Variants in ATG2A observed in about 807,000 individuals in gnomAD.
The protein encoded by ATG2A is autophagy-related protein 2 homolog A.
A neutral mutation model predicts 214.2 loss-of-function variants in ATG2A; 103 were observed. The ratio of observed to expected loss-of-function variants is 0.48; its 90% CI spans 0.41 to 0.57. ATG2A has a LOEUF of 0.57. Ranked by LOEUF, ATG2A falls within the 20% of genes least tolerant of loss-of-function variation. The probability of loss-of-function intolerance (pLI) is 0.00; values close to 1 mark genes in which losing one functional copy is unlikely to be tolerated. For missense variants in ATG2A, 2,312 were observed against 2,613.2 expected, an observed-to-expected ratio of 0.88 and a Z score of 2.51; for synonymous variants, 1,160 against 1,142.1, an observed-to-expected ratio of 1.02 and a Z score of -0.32.
At chr11:64,908,892 C>A in intron 16 of ATG2A, 99 bp downstream of exon 16, 1 of 1,400,400 alleles carries the variant, frequency 7.1e-7, no homozygotes, top group South Asian at 1.3e-5. Flanking sequence ...CCCAGGTGGT[C>A]GTGCTGCCCT....
rs1384593358 is a variant in ATG2A at position 64,913,122 on chromosome 11, C to A, written c.741G>T (p.Glu247Asp). The change falls in exon 6 of 41, where the codon GAG becomes GAT. Residue 247 changes from glutamate (E) to aspartate (D), a missense_variant. By Grantham distance (45) the Glu-to-Asp change is conservative. Coordinates refer to ENST00000377264, the MANE Select transcript of ATG2A (RefSeq NM_015104.3). The surrounding 1 kb of genome is among the most constrained non-coding windows in gnomAD (Gnocchi z 4.3). ...AGCAGCTGCCGATCTGCAAGGGGGG[C>A]TCTGGAGGCTCTTCCTGGGAGACGG... ...EELPAQEEPP[E>D]PPLQIGSCSG... The A allele has an allele frequency of 3.2e-6, 5 of 1,579,434 alleles. No homozygotes were observed. The highest frequency in any genetic ancestry group is 4.3e-6 in the Non-Finnish European group (5 of 1,159,220).
chr11:64,913,586 A>G lies in ATG2A; in HGVS notation c.591-185T>C. The G allele has an allele frequency of 1.1e-6, 1 of 882,588 alleles. No homozygotes were observed. Among genetic ancestry groups the G allele is most frequent in the East Asian group, 2.7e-5 (1 of 37,434 alleles). 54.7% of individuals were successfully genotyped at this position (882,588 alleles called of 1,614,324 possible). On this transcript the variant is annotated intron_variant, in intron 4 of 40. Transcript: ENST00000377264. The surrounding 1 kb of genome is among the most constrained non-coding windows in gnomAD (Gnocchi z 4.3). ...GCTCAGGCCAGCCCTTGCTCCTCAG[A>G]CCCTCAGCATCTAACTTGGTTCTTG... is the stretch of plus-strand genomic sequence containing the variant.
Position 64,914,479 on chromosome 11 carries a change from A to T in ATG2A, c.193T>A (p.Ser65Thr), listed in dbSNP as rs1378168496. 2 of 1,612,524 alleles carry T rather than the reference A, an allele frequency of 1.2e-6. No homozygotes were observed. The highest frequency in any genetic ancestry group is 2.7e-5 in the African/African-American group (2 of 74,844). The change falls in exon 2 of 41, where the codon TCA becomes ACA. Residue 65 changes from serine (S) to threonine (T), a missense_variant. Physicochemically the swap from Ser to Thr is moderately conservative, Grantham distance 58. Coordinates refer to ENST00000377264, the MANE Select transcript of ATG2A (RefSeq NM_015104.3). ...EIWSVNEVLE[S>T]MESPLELVEG... ...ACCAGCTCCAGCGGTGACTCCATTG[A>T]CTCCAGCACCTCGTTCACAGACTGG...
intron 21 of ATG2A, 28 bp downstream of exon 21, chr11:64,906,306 G>A: frequency 1.2e-6 from 2 of 1,610,948 alleles, no homozygotes; most frequent in Non-Finnish European, 1.7e-6. Context: ...AGGCTAGCAG[G>A]AGGGGTGGAT....
chr11:64,909,147 T>C lies in ATG2A; in HGVS notation c.2208A>G (p.Val736=). 1 of 1,608,716 alleles carries C rather than the reference T, an allele frequency of 6.2e-7. No homozygotes were observed. Among genetic ancestry groups the C allele is most frequent in the Non-Finnish European group, 8.5e-7 (1 of 1,177,642 alleles). ...TGGACTGGGGGTTCACAGTCACCACTACCCTGCCGGGGCACAGGCCTGTTA... is the reference window on the plus strand; with the variant it reads ...TGGACTGGGGGTTCACAGTCACCACCACCCTGCCGGGGCACAGGCCTGTTA... The part of the protein sequence containing the change: ...STGRKYFLPQ[V]VVTVNPQSSS... The change falls in exon 16 of 41, where the codon GTA becomes GTG. Residue 736 remains valine (V), a synonymous_variant. Coordinates refer to ENST00000377264, the MANE Select transcript of ATG2A (RefSeq NM_015104.3).
rs757506156 is a variant in ATG2A, at chr11:64,903,386, G to A, written c.3536-22C>T. The A allele has an allele frequency of 6.8e-6, 11 of 1,613,366 alleles. No homozygotes were observed. In the South Asian group the frequency reaches 9.9e-5, roughly 15 times the overall value. ...TAATCTGCAGCAGAGGCGAGAGAAA[G>A]GTCCTGTGGCCCCCTTCCACCCGGC... is the stretch of plus-strand genomic sequence containing the variant. On this transcript the variant is annotated intron_variant, in intron 25 of 40. Coordinates refer to ENST00000377264, the MANE Select transcript of ATG2A (RefSeq NM_015104.3). This position sits in a 1 kb window ranked among gnomAD's most constrained non-coding sequence, Gnocchi z 4.2.
In ATG2A at chr11:64,913,330, G is replaced by T. The variant is rs745519480; in HGVS notation, c.662C>A (p.Ala221Asp). Residue 221 changes from alanine (A) to aspartate (D), a missense_variant, in exon 5 of 41, where the codon GCC becomes GAC. Transcript: ENST00000377264. This position sits in a 1 kb window ranked among gnomAD's most constrained non-coding sequence, Gnocchi z 4.3. Reference protein sequence around the residue: ...APPVDVHQPPAFLHKLLQLAG... With the variant: ...APPVDVHQPPDFLHKLLQLAG... Reference sequence around the variant, plus strand: ...CAGCTGCAGCAGCTTGTGCAGGAAGGCAGGCGGCTGATGCACGTCCACCGG... The same window carrying T: ...CAGCTGCAGCAGCTTGTGCAGGAAGTCAGGCGGCTGATGCACGTCCACCGG... 6.2e-7 allele frequency: 1 copy of T among 1,607,082 alleles called. No homozygotes were observed. The highest frequency in any genetic ancestry group is 1.7e-5 in the Admixed American group (1 of 59,176).
intron 38 of ATG2A, 59 bp downstream of exon 38, chr11:64,896,689 G>A (rs965789744): frequency 1.2e-6 from 2 of 1,606,932 alleles, no homozygotes; most frequent in African/African-American, 2.7e-5. Context: ...CCCAATGGCA[G>A]CTTCTAGGTT....
rs376058934 is a variant in ATG2A, at chr11:64,897,659, C to A, written c.5067+12G>T. The A allele has an allele frequency of 8.7e-6, 14 of 1,614,070 alleles. No individual in the cohort carries two copies. The East Asian group carries it at 2.7e-4, about 31-fold the overall frequency. On this transcript the variant is annotated intron_variant, in intron 36 of 40. Coordinates refer to ENST00000377264, the MANE Select transcript of ATG2A (RefSeq NM_015104.3). ...ACCCCACATGGCCACCCCATCCGAC[C>A]GCCCCACTTACCACCTGGTCCATCG...
rs774222990 is a variant in ATG2A, at chr11:64,894,867, TG to T, written c.*105del. ...CAGGCTGGGAAGGCGTCCTTCACAG[TG>T]GCCATCCCCTGAAGGGCCAGGCCGG... On this transcript the variant is annotated 3_prime_UTR_variant, in exon 41 of 41. Coordinates refer to ENST00000377264, the MANE Select transcript of ATG2A (RefSeq NM_015104.3). The T allele has an allele frequency of 1.5e-6, 2 of 1,317,822 alleles. No homozygotes were observed. Among genetic ancestry groups the T allele is most frequent in the African/African-American group, 2.9e-5 (2 of 69,418 alleles). The allele number at this position is 1,317,822 out of a possible 1,614,324, so 81.6% of individuals were successfully genotyped here. A position where few individuals can be genotyped will look rare whatever the true frequency, so the allele number is the denominator to read the frequency against.
Position 64,903,863 on chromosome 11 carries a change from C to T in ATG2A, c.3465-203G>A, listed in dbSNP as rs1244842484. Reference sequence around the variant, plus strand: ...GCACTTGCAGCTCTCAAAGTGCCTGCAGTTCCGACACCTCAATGGGGCCTC... The same window carrying T: ...GCACTTGCAGCTCTCAAAGTGCCTGTAGTTCCGACACCTCAATGGGGCCTC... On this transcript the variant is annotated intron_variant, in intron 24 of 40. Transcript: ENST00000377264. This position sits in a 1 kb window ranked among gnomAD's most constrained non-coding sequence, Gnocchi z 4.2. 1.3e-5 allele frequency among the ~76,000 whole-genome samples: 2 copies of T among 152,226 alleles called. No homozygotes were observed. Among genetic ancestry groups the T allele is most frequent in the East Asian group, 1.9e-4 (1 of 5,204 alleles).
rs1005035455 is a variant in ATG2A, at chr11:64,898,430, C to T, written c.4672-68G>A. The T allele has an allele frequency of 7.0e-7, 1 of 1,431,190 alleles. No homozygotes were observed. Among genetic ancestry groups the T allele is most frequent in the Non-Finnish European group, 9.5e-7 (1 of 1,057,990 alleles). 88.7% of individuals were successfully genotyped at this position (1,431,190 alleles called of 1,614,324 possible). A position where few individuals can be genotyped will look rare whatever the true frequency, so the allele number is the denominator to read the frequency against. ...GGGCAGCAGCTCACCCAGCTGTTCC[C>T]TGACAGCTCACCCAGCCACCCTGCC... On this transcript the variant is annotated intron_variant, in intron 32 of 40. Transcript: ENST00000377264. The surrounding 1 kb of genome is among the most constrained non-coding windows in gnomAD (Gnocchi z 4.5).
At position 64,902,240 on chromosome 11, in the gene ATG2A, C is replaced by T. The variant is rs1302341322; in HGVS notation, c.3904+20G>A. ...GGGTGCCTGACTGTGTCTGCTGTCC[C>T]CACAGCACCCCCACTTCACCTGAAG... On this transcript the variant is annotated intron_variant, in intron 28 of 40. Transcript: ENST00000377264. 1 of 1,613,094 alleles carries T rather than the reference C, an allele frequency of 6.2e-7. No individual in the cohort carries two copies. The highest frequency in any genetic ancestry group is 1.1e-5 in the South Asian group (1 of 91,056).
At position 64,913,089 on chromosome 11, in the gene ATG2A, G is replaced by A; in HGVS notation, c.774C>T (p.Tyr258=). The A allele has an allele frequency of 6.3e-7, 1 of 1,577,696 alleles. No individual in the cohort carries two copies. The highest frequency in any genetic ancestry group is 8.6e-7 in the Non-Finnish European group (1 of 1,160,182). ...GCTTCAACTTCACCATCAGCTCCATGTACCCTGAGCAGCTGCCGATCTGCA... is the reference window on the plus strand; with the variant it reads ...GCTTCAACTTCACCATCAGCTCCATATACCCTGAGCAGCTGCCGATCTGCA... ...PPLQIGSCSG[Y]MELMVKLKQN... Residue 258 remains tyrosine (Y), a synonymous_variant, in exon 6 of 41, where the codon TAC becomes TAT. Coordinates refer to ENST00000377264, the MANE Select transcript of ATG2A (RefSeq NM_015104.3). The surrounding 1 kb of genome is among the most constrained non-coding windows in gnomAD (Gnocchi z 4.3).
At position 64,907,379 on chromosome 11, in the gene ATG2A, G is replaced by A. The variant is rs371438675; in HGVS notation, c.2708C>T (p.Ser903Leu). 1 of 1,567,032 alleles carries A rather than the reference G, an allele frequency of 6.4e-7. No individual in the cohort carries two copies. Among genetic ancestry groups the A allele is most frequent in the South Asian group, 1.2e-5 (1 of 85,440 alleles). ...DSDDEDAHFF[S>L]VGASGGPQAA... is the part of the protein sequence containing the mutation. ...CTGTGGGCCACCTGATGCCCCCACT[G>A]AGAAGAAGTGGGCATCCTCGTCATC... is the stretch of plus-strand genomic sequence containing the variant. The change falls in exon 19 of 41, where the codon TCA becomes TTA. Residue 903 changes from serine to leucine, a missense_variant. Ser to Leu is a moderately radical substitution (Grantham distance 145). Transcript: ENST00000377264.
At chr11:64,901,907 C>T (rs768900291) in intron 29 of ATG2A, 55 bp downstream of exon 29, 53 of 1,589,112 alleles carry the variant, frequency 3.3e-5, no homozygotes, top group African/African-American at 1.7e-4. Context: ...GTTCCGTCCC[C>T]GCTCCAAACA....
At chr11:64,896,427 G>A (rs1308968188) in intron 39 of ATG2A, 35 bp downstream of exon 39, 1 of 1,583,854 alleles carries the variant, frequency 6.3e-7, no homozygotes, top group Non-Finnish European at 8.6e-7. Context: ...CAGCTGCTCT[G>A]TCCTGCACAG....
intron 3 of ATG2A, 27 bp downstream of exon 3, chr11:64,914,054 C>T (rs959604684): frequency 2.6e-6 from 4 of 1,535,708 alleles, no homozygotes; most frequent in Non-Finnish European, 3.5e-6. Flanking sequence ...GGGCAGGAGA[C>T]AGGGCGGCCA....
Position 64,896,646 on chromosome 11 carries a change from G to A in ATG2A, c.5273-30C>T, listed in dbSNP as rs368862661. 11 of 1,608,502 alleles carry A rather than the reference G, an allele frequency of 6.8e-6. No individual in the cohort carries two copies. In the African/African-American group the frequency reaches 1.2e-4, roughly 18 times the overall value. On this transcript the variant is annotated intron_variant, in intron 38 of 40. Transcript: ENST00000377264. ...GGGGAAGGAGCGCTCAGAGACACCC[G>A]AGGCTGCCCTGCCCCCACCTCCTCC...
Sources: gnomAD v4.1 joint callset for allele counts (sites outside exome capture counted in the v4.1 genomes callset) on GRCh38, gnomAD v4.1.1 for gene constraint, Gnocchi (gnomAD v3.1) non-coding constraint, MANE v1.5 for transcripts, NCBI Gene and HGNC (gene_info 2026-07-23, HGNC 2026-07-21) for gene names.